GPC6: variants seen among roughly 807,000 people sequenced by gnomAD.
GPC6 encodes the protein glypican 6, also known as glypican-6.
A neutral mutation model predicts 55.2 loss-of-function variants in GPC6; 14 were observed. That is an observed-to-expected ratio of 0.25 (90% CI 0.17 to 0.40). The LOEUF is 0.40. GPC6 is among the 10% of genes least tolerant of loss of function. The pLI, the probability that GPC6 is intolerant of heterozygous loss-of-function variation, is 1.00. For synonymous variants in GPC6, 278 were observed against 259.6 expected, an observed-to-expected ratio of 1.07 and a Z score of -0.68; for missense variants, 641 against 708.5, an observed-to-expected ratio of 0.90 and a Z score of 1.08.
chr13:93,642,620 A>AAAATATCAGAC (rs1233792935), intron 2 of GPC6, among the ~76,000 whole-genome samples: 2 of 152,080 alleles, frequency 1.3e-5, no homozygotes, highest in Non-Finnish European at 2.9e-5. Context: ...AGAGCTTGCT[A>AAAATATCAGAC]AGAAAACTGA....
At chr13:93,817,869 TATAG>T (rs10599851) in intron 2 of GPC6, among the ~76,000 whole-genome samples, 95,543 of 146,728 alleles carry the variant, frequency 0.65, 32,055 homozygotes, top group African/African-American at 0.78. Flanking sequence ...AAAAATAATG[TATAG>T]ATAGATAGAT....
At chr13:94,120,288 A>G (rs912528352) in intron 4 of GPC6, among the ~76,000 whole-genome samples, 1 of 152,062 alleles carries the variant, frequency 6.6e-6, no homozygotes, top group Non-Finnish European at 1.5e-5. Flanking sequence ...CAGGGAGACC[A>G]GTGAGGAGGT....
intron 4 of GPC6, among the ~76,000 whole-genome samples, chr13:94,200,729 C>T (rs1022798332): frequency 1.3e-5 from 2 of 152,226 alleles, no homozygotes; most frequent in East Asian, 1.9e-4. Flanking sequence ...TAATGTCCTA[C>T]AGCATTCTTT....
At chr13:94,038,260 G>A (rs1883410804) in intron 4 of GPC6, among the ~76,000 whole-genome samples, 1 of 151,780 alleles carries the variant, frequency 6.6e-6, no homozygotes, top group Non-Finnish European at 1.5e-5. Context: ...GGCAGGCTTA[G>A]ACCATTAAAA....
chr13:93,734,994 A>G (rs1339414193), intron 2 of GPC6, among the ~76,000 whole-genome samples: 1 of 152,172 alleles, frequency 6.6e-6, no homozygotes, highest in Non-Finnish European at 1.5e-5. Context: ...ATCTTACCTT[A>G]TAACTTAAGA....
intron 4 of GPC6, among the ~76,000 whole-genome samples, chr13:94,265,880 G>T (rs72647610): frequency 0.21 from 32,305 of 151,990 alleles, 3,607 homozygotes; most frequent in South Asian, 0.28. Context: ...TGTTTTATTG[G>T]CATTATTCCC....
intron 3 of GPC6, among the ~76,000 whole-genome samples, chr13:93,834,184 T>A (rs1351690085): frequency 6.6e-6 from 1 of 152,006 alleles, no homozygotes; most frequent in African/African-American, 2.4e-5. Context: ...TGTAGAAGAG[T>A]GTTTGTAGCA....
At position 94,053,444 on chromosome 13, in the gene GPC6, T is replaced by C. The variant is rs535218258; in HGVS notation, c.877+25550T>C. On this transcript the variant is annotated intron_variant, in intron 4 of 8. Transcript: ENST00000377047. The stretch of plus-strand genomic sequence containing the variant: ...GCTAAAAGCCCAAAGGTAGTAATTG[T>C]TAAAATTATATTTTAAAATTTTTAC... Among the ~76,000 whole-genome samples, 4 of 152,304 alleles carry C rather than the reference T, an allele frequency of 2.6e-5. No homozygotes were observed. In the East Asian group the frequency reaches 7.7e-4, roughly 29 times the overall value.
At chr13:93,539,919 G>A (rs1341584258) in intron 1 of GPC6, among the ~76,000 whole-genome samples, 1 of 152,066 alleles carries the variant, frequency 6.6e-6, no homozygotes, top group Non-Finnish European at 1.5e-5. Context: ...TCAAACTAAC[G>A]ACCTCAGGTG....
chr13:94,008,716 G>C (rs1231706017), intron 3 of GPC6, among the ~76,000 whole-genome samples: 1 of 152,118 alleles, frequency 6.6e-6, no homozygotes, highest in Non-Finnish European at 1.5e-5. Flanking sequence ...AATATTAACA[G>C]TTAAGACAAC....
intron 6 of GPC6, among the ~76,000 whole-genome samples, chr13:94,368,104 G>A (rs375500451): frequency 2.8e-5 from 4 of 141,348 alleles, no homozygotes; most frequent in Non-Finnish European, 4.5e-5. Context: ...AGCCGAGATC[G>A]CACCACTGCA....
intron 3 of GPC6, among the ~76,000 whole-genome samples, chr13:94,019,564 G>A (rs1244847965): frequency 6.6e-6 from 1 of 151,994 alleles, no homozygotes; most frequent in Admixed American, 6.6e-5. Context: ...GCTTATCAAT[G>A]CATTGCTCCA....
intron 2 of GPC6, among the ~76,000 whole-genome samples, chr13:93,549,640 G>T (rs1356519682): frequency 6.6e-6 from 1 of 152,110 alleles, no homozygotes; most frequent in African/African-American, 2.4e-5. Flanking sequence ...TCCCAGATGT[G>T]CTGGCGTCTT....
At position 94,403,252 on chromosome 13, in the gene GPC6, G is replaced by A; in HGVS notation, c.*35G>A. The A allele has an allele frequency of 6.9e-7, 1 of 1,445,128 alleles. No individual in the cohort carries two copies. Among genetic ancestry groups the A allele is most frequent in the South Asian group, 1.1e-5 (1 of 87,186 alleles). 89.5% of individuals were successfully genotyped at this position (1,445,128 alleles called of 1,614,324 possible). A position where few individuals can be genotyped will look rare whatever the true frequency, so the allele number is the denominator to read the frequency against. On this transcript the variant is annotated 3_prime_UTR_variant, in exon 9 of 9. Transcript: ENST00000377047. ...TTTGGTCAGATGAAACTGCATTTTA[G>A]CTATCTGAATGGCCAACTCACTTCT...
rs1054728244 is a variant in GPC6, at chr13:94,407,507, A to C, written c.*4290A>C. 3 of 152,142 alleles carry C rather than the reference A, an allele frequency of 2.0e-5. No individual in the cohort carries two copies. The highest frequency in any genetic ancestry group is 1.3e-4 in the Admixed American group (2 of 15,268). 9.4% of individuals were successfully genotyped at this position (152,142 alleles called of 1,614,324 possible). On this transcript the variant is annotated 3_prime_UTR_variant, in exon 9 of 9. Transcript: ENST00000377047. ...TTTAGAAGCTTCAATATTAAAAAAC[A>C]ACAACAAACCTCGTATATTAAAACA...
intron 2 of GPC6, among the ~76,000 whole-genome samples, chr13:93,665,245 T>C (rs1348799544): frequency 6.6e-6 from 1 of 152,222 alleles, no homozygotes; most frequent in Non-Finnish European, 1.5e-5. Context: ...TAATGGTATA[T>C]CCATAATGAT....
intron 3 of GPC6, among the ~76,000 whole-genome samples, chr13:93,954,282 GAAA>G (rs1879397175): frequency 6.6e-6 from 1 of 152,030 alleles, no homozygotes; most frequent in African/African-American, 2.4e-5. Context: ...TAAAAGTTTT[GAAA>G]AATATTCTTC....
intron 4 of GPC6, among the ~76,000 whole-genome samples, chr13:94,147,493 G>A (rs1201930418): frequency 1.3e-5 from 2 of 152,142 alleles, no homozygotes; most frequent in Admixed American, 6.6e-5. Flanking sequence ...ATGAGTTGTA[G>A]CATTGTTTTG....
chr13:94,331,954 G>A (rs761455966), intron 6 of GPC6, among the ~76,000 whole-genome samples: 1 of 152,078 alleles, frequency 6.6e-6, no homozygotes, highest in Non-Finnish European at 1.5e-5. Flanking sequence ...GTCAATAAGC[G>A]ATGGAGAAAT....
Sources: gnomAD v4.1 joint callset for allele counts (sites outside exome capture counted in the v4.1 genomes callset) on GRCh38, gnomAD v4.1.1 for gene constraint, MANE v1.5 for transcripts, NCBI Gene and HGNC (gene_info 2026-07-23, HGNC 2026-07-21) for gene names.